The following LRRIQ3 variants were observed in gnomAD, a reference collection of about 807,000 sequenced individuals.
The protein encoded by LRRIQ3 is leucine rich repeats and IQ motif containing 3.
Under a neutral mutation model 59.3 loss-of-function variants are expected in LRRIQ3, and 75 were observed. The observed-to-expected ratio is 1.26, with a 90% confidence interval of 1.05 to 1.53. The LOEUF (loss-of-function observed/expected upper bound fraction) is 1.53, where lower values mean the gene tolerates loss of function less well. Among genes scored for constraint, LRRIQ3 ranks in the 40% most tolerant of loss-of-function variants. The pLI is 0.00. For missense variants in LRRIQ3, 831 were observed against 710.0 expected, an observed-to-expected ratio of 1.17 and a Z score of -1.94; for synonymous variants, 250 against 231.3, an observed-to-expected ratio of 1.08 and a Z score of -0.73.
Position 74,041,600 on chromosome 1 carries a change from GC to G in LRRIQ3, c.1330del (p.Ala444ProfsTer12), listed in dbSNP as rs1430599434. 5.6e-6 allele frequency: 9 copies of G among 1,613,676 alleles called. No homozygotes were observed. The highest frequency in any genetic ancestry group is 7.6e-6 in the Non-Finnish European group (9 of 1,179,850). ...TCTTTCTCGAGCAACTTGTGCCATG[GC>G]TACAACTCTTACTTTTTCTTTATGG... ...EYHKEKVRVV[A>X]MAQVARERVR... On this transcript the variant is annotated frameshift_variant, in exon 7 of 8. Coordinates refer to ENST00000354431, the MANE Select transcript of LRRIQ3 (RefSeq NM_001105659.2). LOFTEE classifies it high-confidence loss of function.
intron 7 of LRRIQ3, among the ~76,000 whole-genome samples, chr1:74,029,564 G>T (rs1653631985): frequency 6.6e-6 from 1 of 152,020 alleles, no homozygotes; most frequent in African/African-American, 2.4e-5. Context: ...GATCATGGTG[G>T]ATAAGATTTT....
rs900839775 is a variant in LRRIQ3, at chr1:74,138,399, T to C, written c.707+17334A>G. Reference sequence around the variant, plus strand: ...TAAACTGGGGCCAAAATGCCCAGACTGTCTCCAAATATCCTTCAATCCATT... The same window carrying C: ...TAAACTGGGGCCAAAATGCCCAGACCGTCTCCAAATATCCTTCAATCCATT... On this transcript the variant is annotated intron_variant, in intron 4 of 7. Transcript: ENST00000354431. 2.1e-5 allele frequency: 17 copies of C among 824,466 alleles called. No individual in the cohort carries two copies. The African/African-American group carries it at 3.1e-4, about 15-fold the overall frequency. The allele number at this position is 824,466 out of a possible 1,614,324, so 51.1% of individuals were successfully genotyped here.
At chr1:74,109,922 A>T (rs1646670799) in intron 4 of LRRIQ3, among the ~76,000 whole-genome samples, 3 of 151,770 alleles carry the variant, frequency 2.0e-5, no homozygotes, top group African/African-American at 4.8e-5. Flanking sequence ...GGAACTTTTT[A>T]AATGAGGTAA....
chr1:74,138,582 T>A, intron 4 of LRRIQ3: 3 of 693,874 alleles, frequency 4.3e-6, no homozygotes, highest in Non-Finnish European at 5.3e-6. Flanking sequence ...GGCCTTTGTT[T>A]AAACAAAAAT....
chr1:74,106,636 G>A (rs547495289), intron 5 of LRRIQ3, among the ~76,000 whole-genome samples: 1 of 151,978 alleles, frequency 6.6e-6, no homozygotes, highest in East Asian at 1.9e-4. Context: ...GCCCCGGTGG[G>A]GTATTAGTGT....
At position 74,182,730 on chromosome 1, in the gene LRRIQ3, G is replaced by A; in HGVS notation, c.381C>T (p.Leu127=). 1 of 1,612,608 alleles carries A rather than the reference G, an allele frequency of 6.2e-7. No homozygotes were observed. The highest frequency in any genetic ancestry group is 8.5e-7 in the Non-Finnish European group (1 of 1,178,950). ...GGCTTACTGGACAATCAAACATAGT[G>A]AGGGCAATGAGGGTTGGACAGGCAG... is the stretch of plus-strand genomic sequence containing the variant. The part of the protein sequence containing the change: ...VLSACPTLIA[L]TMFDCPVSLK... Residue 127 remains leucine (L), a synonymous_variant, in exon 3 of 8, where the codon CTC becomes CTT. Transcript: ENST00000354431.
chr1:74,067,094 C>T (rs941145025), intron 6 of LRRIQ3, among the ~76,000 whole-genome samples: 6 of 152,238 alleles, frequency 3.9e-5, no homozygotes, highest in Non-Finnish European at 5.9e-5. Context: ...GATCCCTTTT[C>T]GCCAAACATT....
intron 3 of LRRIQ3, among the ~76,000 whole-genome samples, chr1:74,176,021 A>G: frequency 6.6e-6 from 1 of 152,194 alleles, no homozygotes; most frequent in Non-Finnish European, 1.5e-5. Context: ...AAGAGAAAGA[A>G]AGTGTATTTC....
intron 4 of LRRIQ3, among the ~76,000 whole-genome samples, chr1:74,155,135 A>C (rs1392046326): frequency 6.6e-6 from 1 of 152,194 alleles, no homozygotes; most frequent in East Asian, 1.9e-4. Flanking sequence ...TTTCATTTCT[A>C]TCTTCTGAAC....
At position 74,171,180 on chromosome 1, in the gene LRRIQ3, C is replaced by A. The variant is rs540477153; in HGVS notation, c.573+11358G>T. ...AGTCCCATTGCTTTGGCTTGGACTT[C>A]CAATACTATGTTGAATAGAGGCATC... is the stretch of plus-strand genomic sequence containing the variant. On this transcript the variant is annotated intron_variant, in intron 3 of 7. Transcript: ENST00000354431. Among the ~76,000 whole-genome samples, 490 of 152,146 alleles carry A rather than the reference C, an allele frequency of 3.2e-3. 1 individual carries two copies. Among genetic ancestry groups the A allele is most frequent in the Non-Finnish European group, 4.9e-3 (334 of 67,982 alleles).
rs901181807 is a variant in LRRIQ3 at position 74,109,231 on chromosome 1, A to G, written c.867+163T>C. 7 of 598,432 alleles carry G rather than the reference A, an allele frequency of 1.2e-5. No homozygotes were observed. The Admixed American group carries it at 1.8e-4, about 16-fold the overall frequency. 37.1% of individuals were successfully genotyped at this position (598,432 alleles called of 1,614,324 possible). The stretch of plus-strand genomic sequence containing the variant: ...TGCACCACAAAAATATATTTGTATT[A>G]CATTACTATATAACTTTTTTCAATC... On this transcript the variant is annotated intron_variant, in intron 5 of 7. Coordinates refer to ENST00000354431, the MANE Select transcript of LRRIQ3 (RefSeq NM_001105659.2).
intron 5 of LRRIQ3, among the ~76,000 whole-genome samples, chr1:74,093,681 G>C (rs1258188874): frequency 6.6e-6 from 1 of 152,028 alleles, no homozygotes; most frequent in African/African-American, 2.4e-5. Flanking sequence ...TATGAAAACT[G>C]CAATTTTCTG....
intron 4 of LRRIQ3, among the ~76,000 whole-genome samples, chr1:74,112,347 G>A (rs1646708504): frequency 6.6e-6 from 1 of 152,104 alleles, no homozygotes; most frequent in South Asian, 2.1e-4. Context: ...AGATTATGAT[G>A]TTAAGCAATT....
Position 74,033,223 on chromosome 1 carries a change from T to C in LRRIQ3, c.1719-6254A>G, listed in dbSNP as rs138885000. Among the ~76,000 whole-genome samples the C allele has an allele frequency of 1.8e-3, 277 of 152,130 alleles. No individual in the cohort carries two copies. In the Middle Eastern group the frequency reaches 0.024, roughly 13 times the overall value. The stretch of plus-strand genomic sequence containing the variant: ...TTTCTTCTAGACATTTTTATCCAAA[T>C]ACAGGAAATAAAGATAGATAGTTGA... On this transcript the variant is annotated intron_variant, in intron 7 of 7. Transcript: ENST00000354431.
chr1:74,027,440 T>C (rs375601544), intron 7 of LRRIQ3, among the ~76,000 whole-genome samples: 12 of 152,152 alleles, frequency 7.9e-5, no homozygotes, highest in Admixed American at 7.9e-4. Flanking sequence ...ATAATTTGTG[T>C]ACTTATAAGA....
intron 3 of LRRIQ3, among the ~76,000 whole-genome samples, chr1:74,162,182 T>C (rs1327889506): frequency 6.6e-6 from 1 of 151,878 alleles, no homozygotes; most frequent in Admixed American, 6.6e-5. Context: ...AATGATATAG[T>C]GTTTTAGGGT....
intron 6 of LRRIQ3, among the ~76,000 whole-genome samples, chr1:74,066,846 T>C (rs1372321774): frequency 6.6e-6 from 1 of 152,102 alleles, no homozygotes; most frequent in East Asian, 1.9e-4. Flanking sequence ...GCATTCTTCG[T>C]ATGTAGTATA....
At chr1:74,174,853 T>G (rs1254723000) in intron 3 of LRRIQ3, among the ~76,000 whole-genome samples, 1 of 152,202 alleles carries the variant, frequency 6.6e-6, no homozygotes, top group Non-Finnish European at 1.5e-5. Flanking sequence ...TTATTTTGAA[T>G]TCTTTGTGAG....
intron 2 of LRRIQ3, 64 bp from the exon 3 acceptor site, chr1:74,182,925 G>A: frequency 1.2e-6 from 1 of 856,900 alleles, no homozygotes; most frequent in East Asian, 2.8e-5. Context: ...ACAGAAAATG[G>A]TAAAATATTA....
Sources: allele counts gnomAD v4.1 joint callset (sites outside exome capture counted in the v4.1 genomes callset), GRCh38; gene constraint gnomAD v4.1.1; transcripts MANE v1.5; gene names NCBI Gene and HGNC (gene_info 2026-07-23, HGNC 2026-07-21).